ZC3H18: variants seen among roughly 807,000 people sequenced by gnomAD.
ZC3H18 encodes the protein zinc finger CCCH domain-containing protein 18.
In ZC3H18, 8 loss-of-function variants were observed where a neutral mutation model predicts 106.1. The ratio of observed to expected loss-of-function variants is 0.08; its 90% CI spans 0.04 to 0.14. The LOEUF (loss-of-function observed/expected upper bound fraction) is 0.14. Ranked by LOEUF, ZC3H18 falls within the 10% of genes least tolerant of loss-of-function variation. The pLI, the probability that ZC3H18 is intolerant of heterozygous loss-of-function variation, is 1.00. For synonymous variants in ZC3H18, 635 were observed against 522.1 expected, an observed-to-expected ratio of 1.22 and a Z score of -2.95; for missense variants, 1,318 against 1,278.4, an observed-to-expected ratio of 1.03 and a Z score of -0.47.
intron 6 of ZC3H18, 49 bp from the exon 7 acceptor site, chr16:88,608,885 C>T (rs771382182): frequency 8.8e-6 from 13 of 1,476,292 alleles, no homozygotes; most frequent in African/African-American, 2.8e-5. Context: ...GGTCTTTTTA[C>T]GCCAGTGCTC....
In ZC3H18 at chr16:88,623,221, C is replaced by A; in HGVS notation, c.1670C>A (p.Ser557Ter). Reference sequence around the variant, plus strand: ...ACGCTCCGTCCCGCCCGCCCCAGGTCGTCTTCGCGGTCATCGTCCTACTCT... The same window carrying A: ...ACGCTCCGTCCCGCCCGCCCCAGGTAGTCTTCGCGGTCATCGTCCTACTCT... ...SSASASNSSR[S>*]SSRSSSYSGS... The change falls in exon 10 of 18, where the codon TCG becomes TAG. Residue 557 changes from serine (S) to a stop codon, truncating the protein, a stop_gained and splice_region_variant. Coordinates refer to ENST00000301011, the MANE Select transcript of ZC3H18 (RefSeq NM_144604.4). LOFTEE classifies it high-confidence loss of function. 1 of 1,612,556 alleles carries A rather than the reference C, an allele frequency of 6.2e-7. No homozygotes were observed. Among genetic ancestry groups the A allele is most frequent in the South Asian group, 1.1e-5 (1 of 91,064 alleles).
At chr16:88,604,596 G>C (rs1000336143) in intron 6 of ZC3H18, among the ~76,000 whole-genome samples, 2 of 151,192 alleles carry the variant, frequency 1.3e-5, no homozygotes, top group Non-Finnish European at 2.9e-5. Context: ...TGAGGCAGGA[G>C]AATGGCGTGA....
At chr16:88,628,317 T>G (rs1298704049) in intron 15 of ZC3H18, among the ~76,000 whole-genome samples, 198 bp downstream of exon 15, 1 of 152,128 alleles carries the variant, frequency 6.6e-6, no homozygotes, top group East Asian at 1.9e-4. Flanking sequence ...TGGGGAGGTT[T>G]GGGTGCTGCT....
At chr16:88,615,819 C>G (rs1033501328) in intron 8 of ZC3H18, among the ~76,000 whole-genome samples, 3 of 152,230 alleles carry the variant, frequency 2.0e-5, no homozygotes, top group Non-Finnish European at 2.9e-5. Flanking sequence ...CTGCCTGTTT[C>G]TAAGCAGCCG....
At chr16:88,630,744 GCCCCACC>G (rs1448697563) in intron 17 of ZC3H18, among the ~76,000 whole-genome samples, 163 bp downstream of exon 17, 1 of 76,464 alleles carries the variant, frequency 1.3e-5, no homozygotes, top group African/African-American at 5.0e-5. Flanking sequence ...GCGAATTGCA[GCCCCACC>G]CCCCACCCCC....
chr16:88,579,551 G>A (rs926303935), intron 2 of ZC3H18, among the ~76,000 whole-genome samples: 4 of 152,284 alleles, frequency 2.6e-5, no homozygotes, highest in Non-Finnish European at 5.9e-5. Context: ...GGGCGCGGGC[G>A]GTGCGGTAGA....
In ZC3H18 at chr16:88,630,501, G is replaced by A. The variant is rs1350497642; in HGVS notation, c.2583G>A (p.Lys861=). 2 of 1,613,526 alleles carry A rather than the reference G, an allele frequency of 1.2e-6. No individual in the cohort carries two copies. Among genetic ancestry groups the A allele is most frequent in the Admixed American group, 1.7e-5 (1 of 59,990 alleles). ...TSPDRGSRDR[K]SGGRLGSPKP... is the part of the protein sequence containing the mutation. ...ATCACCCAGGTTCTCGGGACCGGAA[G>A]TCAGGTGGGAGACTGGGCTCCCCGA... Residue 861 remains lysine, a synonymous_variant, in exon 17 of 18, where the codon AAG becomes AAA. Transcript: ENST00000301011.
Position 88,629,522 on chromosome 16 carries a change from G to A in ZC3H18, c.2566+668G>A, listed in dbSNP as rs117692086. Among the ~76,000 whole-genome samples the A allele has an allele frequency of 9.5e-3, 1,441 of 152,284 alleles. 15 individuals carry two copies. Among genetic ancestry groups the A allele is most frequent in the Admixed American group, 0.015 (228 of 15,296 alleles). On this transcript the variant is annotated intron_variant, in intron 16 of 17. Transcript: ENST00000301011. ...GCAAAATATATTTTCCAAAACAAAT[G>A]AGCAGGAATGGCATTGGTTTTTCCA...
At chr16:88,601,920 T>C (rs1228025905) in intron 6 of ZC3H18, among the ~76,000 whole-genome samples, 1 of 152,148 alleles carries the variant, frequency 6.6e-6, no homozygotes, top group Non-Finnish European at 1.5e-5. Flanking sequence ...GTCAGGGTTC[T>C]GCCAGGAGGG....
intron 7 of ZC3H18, chr16:88,609,297 G>GT (rs1905162595): frequency 3.7e-6 from 1 of 269,322 alleles, no homozygotes; most frequent in Non-Finnish European, 7.2e-6. Flanking sequence ...TTTGTGTGGT[G>GT]TTTGTTTGTT....
At chr16:88,583,127 C>T (rs569453789) in intron 2 of ZC3H18, among the ~76,000 whole-genome samples, 108 of 152,374 alleles carry the variant, frequency 7.1e-4, no homozygotes, top group African/African-American at 2.4e-3. Context: ...AGCAGCTCCA[C>T]GCAGTGGCCC....
intron 6 of ZC3H18, among the ~76,000 whole-genome samples, chr16:88,602,924 G>A (rs766327795): frequency 6.6e-6 from 1 of 152,058 alleles, no homozygotes; most frequent in African/African-American, 2.4e-5. Flanking sequence ...AGGACTTTTC[G>A]AGAAGTCTTG....
In ZC3H18 at chr16:88,627,959, G is replaced by C; in HGVS notation, c.2309G>C (p.Arg770Pro). The change falls in exon 15 of 18, where the codon CGG becomes CCG. Residue 770 changes from arginine (R) to proline (P), a missense_variant. Transcript: ENST00000301011. This position sits in a 1 kb window ranked among gnomAD's most constrained non-coding sequence, Gnocchi z 4.5. ...KKEDGVKEEK[R>P]KRDSSTQPPK... ...GAAGACGGTGTTAAAGAGGAAAAGC[G>C]GAAAAGGGATTCGTCCACACAACCA... 2.5e-6 allele frequency: 4 copies of C among 1,614,116 alleles called. No homozygotes were observed. Among genetic ancestry groups the C allele is most frequent in the Non-Finnish European group, 3.4e-6 (4 of 1,180,024 alleles).
chr16:88,618,647 G>C (rs1193801961), intron 8 of ZC3H18, among the ~76,000 whole-genome samples: 1 of 152,150 alleles, frequency 6.6e-6, no homozygotes, highest in East Asian at 1.9e-4. Context: ...CCTCTGGCAT[G>C]TTTGCATTGG....
intron 8 of ZC3H18, among the ~76,000 whole-genome samples, chr16:88,620,642 T>C (rs1200125192): frequency 2.6e-5 from 4 of 151,580 alleles, no homozygotes; most frequent in Non-Finnish European, 5.9e-5. Flanking sequence ...TTGGGTTAGT[T>C]TGTGTCTGGG....
At position 88,577,434 on chromosome 16, in the gene ZC3H18, G is replaced by T. The variant is rs746206951; in HGVS notation, c.311G>T (p.Gly104Val). 87 of 1,608,160 alleles carry T rather than the reference G, an allele frequency of 5.4e-5. No individual in the cohort carries two copies. The highest frequency in any genetic ancestry group is 7.1e-5 in the Non-Finnish European group (84 of 1,176,468). Residue 104 changes from glycine to valine, a missense_variant, in exon 2 of 18, where the codon GGG (glycine) becomes GTG (valine). By Grantham distance (109) the Gly-to-Val change is moderately radical. This residue lies in a region of ZC3H18 where 346 missense variants were observed against 269.0 expected (regional missense o/e 1.29). Transcript: ENST00000301011. ...CCCTGCGAGGAGGAGGGGGACGAAG[G>T]GGAGGAAGACCGGACAAGCGACCTT... ...SSPCEEEGDE[G>V]EEDRTSDLRD...
chr16:88,572,077 G>A (rs1914442116), intron 1 of ZC3H18, among the ~76,000 whole-genome samples: 1 of 152,210 alleles, frequency 6.6e-6, no homozygotes, highest in African/African-American at 2.4e-5. Flanking sequence ...TACGTGGTTG[G>A]TAGCTCACCT....
Position 88,603,684 on chromosome 16 carries a change from G to A in ZC3H18, c.1088+3736G>A, listed in dbSNP as rs577081364. On this transcript the variant is annotated intron_variant, in intron 6 of 17. Transcript: ENST00000301011. ...GTCGCCCAGCGTGGAGTGCAGTGGC[G>A]CAATCTGGGCTCACTGCAAGCTCTG... 6.7e-5 allele frequency among the ~76,000 whole-genome samples: 10 copies of A among 148,890 alleles called. No individual in the cohort carries two copies. The South Asian group carries it at 1.3e-3, about 20-fold the overall frequency.
chr16:88,592,254 C>T (rs972168787), intron 3 of ZC3H18, among the ~76,000 whole-genome samples: 1 of 152,062 alleles, frequency 6.6e-6, no homozygotes, highest in Non-Finnish European at 1.5e-5. Context: ...TTTTGATCTG[C>T]CTTTCCTGAA....
Sources: gnomAD v4.1 joint callset for allele counts (sites outside exome capture counted in the v4.1 genomes callset) on GRCh38, gnomAD v4.1.1 for gene constraint, gnomAD v4.1.1 regional missense constraint, Gnocchi (gnomAD v3.1) non-coding constraint, MANE v1.5 for transcripts, NCBI Gene and HGNC (gene_info 2026-07-23, HGNC 2026-07-21) for gene names.